PPM1L: variants seen among roughly 807,000 people sequenced by gnomAD.
PPM1L encodes protein phosphatase 1L.
A neutral mutation model predicts 31.4 loss-of-function variants in PPM1L; 13 were observed. The ratio of observed to expected loss-of-function variants is 0.41; its 90% CI spans 0.27 to 0.66. PPM1L has a LOEUF of 0.66. Among genes scored for constraint, PPM1L ranks in the 30% least tolerant of loss-of-function variants. The pLI is 0.29. For missense variants in PPM1L, 326 were observed against 453.7 expected (o/e 0.72, Z 2.56); for synonymous variants, 184 against 175.4 (o/e 1.05, Z -0.39).
At chr3:160,775,892 C>T (rs1711547766) in intron 1 of PPM1L, among the ~76,000 whole-genome samples, 1 of 152,190 alleles carries the variant, frequency 6.6e-6, no homozygotes, top group Non-Finnish European at 1.5e-5. Context: ...TGAACCATAT[C>T]AGCTGCCTGG....
chr3:160,818,904 A>AT (rs1713076038), intron 1 of PPM1L, among the ~76,000 whole-genome samples: 1 of 151,712 alleles, frequency 6.6e-6, no homozygotes, highest in South Asian at 2.1e-4. Context: ...TTATTTATTT[A>AT]TTTTTTTACT....
intron 1 of PPM1L, among the ~76,000 whole-genome samples, chr3:160,774,901 C>T (rs1711528292): frequency 6.6e-6 from 1 of 152,178 alleles, no homozygotes; most frequent in African/African-American, 2.4e-5. Flanking sequence ...TTGAGTTTCA[C>T]ATCTCTATTG....
intron 2 of PPM1L, among the ~76,000 whole-genome samples, chr3:161,000,951 A>G (rs989537490): frequency 2.0e-5 from 3 of 152,220 alleles, no homozygotes; most frequent in Admixed American, 1.3e-4. Context: ...AGAACACCAG[A>G]TCATTGAAGA....
intron 1 of PPM1L, among the ~76,000 whole-genome samples, chr3:160,809,104 A>G (rs1041335353): frequency 6.6e-6 from 1 of 152,228 alleles, no homozygotes; most frequent in Non-Finnish European, 1.5e-5. Flanking sequence ...CCCGAGGTCC[A>G]GCTCTGCCAG....
intron 1 of PPM1L, among the ~76,000 whole-genome samples, chr3:160,924,089 A>T (rs1714507620): frequency 6.6e-6 from 1 of 152,152 alleles, no homozygotes; most frequent in South Asian, 2.1e-4. Flanking sequence ...AATTATATTC[A>T]CTTGTTTCTG....
chr3:160,817,170 G>C (rs1412014288), intron 1 of PPM1L, among the ~76,000 whole-genome samples: 14 of 152,076 alleles, frequency 9.2e-5, no homozygotes, highest in Non-Finnish European at 1.2e-4. Context: ...CTTTCAGTTT[G>C]TAAAGTGTGA....
At chr3:160,762,067 T>C (rs1054442094) in intron 1 of PPM1L, among the ~76,000 whole-genome samples, 2 of 152,244 alleles carry the variant, frequency 1.3e-5, no homozygotes, top group Non-Finnish European at 2.9e-5. Flanking sequence ...GTATTATATG[T>C]ATTTATGTAA....
intron 2 of PPM1L, among the ~76,000 whole-genome samples, chr3:160,999,980 T>C (rs1717431473): frequency 6.6e-6 from 1 of 152,202 alleles, no homozygotes; most frequent in African/African-American, 2.4e-5. Flanking sequence ...CAGGTATTTC[T>C]CCCTCCCAAG....
intron 1 of PPM1L, among the ~76,000 whole-genome samples, chr3:160,954,423 G>T (rs1385471029): frequency 3.3e-5 from 5 of 151,790 alleles, no homozygotes; most frequent in Non-Finnish European, 5.9e-5. Flanking sequence ...GTGCAATGGC[G>T]GCATCTCAGC....
At chr3:161,026,116 G>A (rs1718382010) in intron 2 of PPM1L, among the ~76,000 whole-genome samples, 1 of 152,102 alleles carries the variant, frequency 6.6e-6, no homozygotes, top group African/African-American at 2.4e-5. Context: ...AGAGGTGAGG[G>A]CCTAAAAGTG....
At chr3:160,856,173 T>G (rs1711695701) in intron 1 of PPM1L, among the ~76,000 whole-genome samples, 1 of 151,930 alleles carries the variant, frequency 6.6e-6, no homozygotes. Context: ...CCCACCGAGA[T>G]TGAGAGTGGG....
intron 1 of PPM1L, among the ~76,000 whole-genome samples, chr3:160,894,536 TA>T (rs1713269493): frequency 6.6e-6 from 1 of 152,228 alleles, no homozygotes; most frequent in Non-Finnish European, 1.5e-5. Context: ...GAAGGACTCC[TA>T]AATATTACCT....
At chr3:160,947,392 A>G (rs1307997853) in intron 1 of PPM1L, among the ~76,000 whole-genome samples, 2 of 152,040 alleles carry the variant, frequency 1.3e-5, no homozygotes, top group South Asian at 4.2e-4. Context: ...AATTCATATC[A>G]ATAAAATATA....
At chr3:161,049,891 C>CGTGTGA (rs1320974587) in intron 2 of PPM1L, among the ~76,000 whole-genome samples, 2 of 152,308 alleles carry the variant, frequency 1.3e-5, no homozygotes, top group East Asian at 3.9e-4. Flanking sequence ...ACAGACTCAC[C>CGTGTGA]AGCTGTTCTA....
intron 1 of PPM1L, among the ~76,000 whole-genome samples, chr3:160,933,003 T>C (rs1714836281): frequency 1.3e-5 from 2 of 152,146 alleles, no homozygotes; most frequent in African/African-American, 4.8e-5. Context: ...CAGAATGGAA[T>C]CCAGTATTTG....
chr3:160,897,042 C>CTT (rs11298068), intron 1 of PPM1L, among the ~76,000 whole-genome samples: 29 of 107,428 alleles, frequency 2.7e-4, no homozygotes, highest in East Asian at 6.9e-4. Flanking sequence ...ACTACTGACT[C>CTT]TTTTTTTTTT....
chr3:161,001,279 T>C (rs1717471223), intron 2 of PPM1L, among the ~76,000 whole-genome samples: 1 of 151,790 alleles, frequency 6.6e-6, no homozygotes, highest in Admixed American at 6.6e-5. Context: ...TAAAAGTCTA[T>C]AGTTTTTTGT....
intron 2 of PPM1L, among the ~76,000 whole-genome samples, chr3:161,038,180 G>C (rs35187206): frequency 0.43 from 63,427 of 145,810 alleles, 14,802 homozygotes; most frequent in East Asian, 0.67. Flanking sequence ...CTTGCAGTGA[G>C]CCGAGATCCC....
At chr3:160,948,748 T>C (rs1332044330) in intron 1 of PPM1L, among the ~76,000 whole-genome samples, 1 of 152,148 alleles carries the variant, frequency 6.6e-6, no homozygotes, top group Non-Finnish European at 1.5e-5. Flanking sequence ...TGAAAGGCCA[T>C]GTAGGAACGT....
Sources: allele counts gnomAD v4.1 joint callset (sites outside exome capture counted in the v4.1 genomes callset), GRCh38; gene constraint gnomAD v4.1.1; transcripts MANE v1.5; gene names NCBI Gene and HGNC (gene_info 2026-07-23, HGNC 2026-07-21).